PCGF5: variants seen among roughly 807,000 people sequenced by gnomAD.
PCGF5 encodes polycomb group RING finger protein 5.
Under a neutral mutation model 44.3 loss-of-function variants are expected in PCGF5, and 9 were observed. That is an observed-to-expected ratio of 0.20 (90% confidence interval 0.12 to 0.35). The LOEUF is 0.35. PCGF5 is among the 10% of genes least tolerant of loss of function. The pLI is 1.00. For synonymous variants in PCGF5, 95 were observed against 102.5 expected (o/e 0.93, Z 0.44); for missense variants, 146 against 305.3 (o/e 0.48, Z 3.89).
chr10:91,270,435 G>A (rs970476713), intron 8 of PCGF5, among the ~76,000 whole-genome samples: 13 of 151,638 alleles, frequency 8.6e-5, no homozygotes, highest in Non-Finnish European at 1.6e-4. Flanking sequence ...TACTCTTGTT[G>A]ACCCTGTTTA....
At chr10:91,241,892 A>G (rs904793729) in intron 3 of PCGF5, among the ~76,000 whole-genome samples, 6 of 152,178 alleles carry the variant, frequency 3.9e-5, no homozygotes, top group Non-Finnish European at 8.8e-5. Flanking sequence ...TTCCCAAACC[A>G]TTAGTATCAT....
chr10:91,168,661 G>C (rs758709032), intron 1 of PCGF5, among the ~76,000 whole-genome samples: 8 of 152,098 alleles, frequency 5.3e-5, no homozygotes, highest in Non-Finnish European at 1.0e-4. Flanking sequence ...GGGCATGGTG[G>C]CTCACACCTG....
chr10:91,169,892 CA>C (rs1843572848), intron 1 of PCGF5, among the ~76,000 whole-genome samples: 1 of 152,104 alleles, frequency 6.6e-6, no homozygotes, highest in Non-Finnish European at 1.5e-5. Context: ...CTATAGTAAT[CA>C]AGACAGTGGT....
chr10:91,167,290 G>T (rs1192766869), intron 1 of PCGF5, among the ~76,000 whole-genome samples: 1 of 152,154 alleles, frequency 6.6e-6, no homozygotes, highest in Non-Finnish European at 1.5e-5. Flanking sequence ...TGGTTAATTA[G>T]ACATAGATAC....
At chr10:91,248,622 A>C (rs771594188) in intron 4 of PCGF5, 43 bp from the exon 5 acceptor site, 2 of 1,597,528 alleles carry the variant, frequency 1.3e-6, no homozygotes, top group Non-Finnish European at 1.7e-6. Context: ...CTTCTATTAA[A>C]GATTTCATGA....
At chr10:91,211,327 G>T (rs1341132406) in intron 1 of PCGF5, among the ~76,000 whole-genome samples, 4 of 152,208 alleles carry the variant, frequency 2.6e-5, no homozygotes, top group Non-Finnish European at 4.4e-5. Flanking sequence ...GTTAGGTGGT[G>T]CCTTTAATGT....
In PCGF5 at chr10:91,279,749, A is replaced by G. The variant is rs1846405358; in HGVS notation, c.*1433A>G. 1 of 152,118 alleles carries G rather than the reference A, an allele frequency of 6.6e-6. No individual in the cohort carries two copies. Among genetic ancestry groups the G allele is most frequent in the Admixed American group, 6.5e-5 (1 of 15,272 alleles). 9.4% of individuals were successfully genotyped at this position (152,118 alleles called of 1,614,324 possible). On this transcript the variant is annotated 3_prime_UTR_variant, in exon 10 of 10. Transcript: ENST00000336126. ...ATATTTGAGAAATATGACGAGCACA[A>G]TCTGTGTGTTACACACATTTAGTTT... is the stretch of plus-strand genomic sequence containing the variant.
intron 1 of PCGF5, 108 bp downstream of exon 1, chr10:91,220,944 C>G (rs1308190187): frequency 6.6e-6 from 1 of 152,296 alleles, no homozygotes; most frequent in South Asian, 2.1e-4. Flanking sequence ...CCGGCCCAGC[C>G]TGGAGCCGGG....
intron 2 of PCGF5, among the ~76,000 whole-genome samples, chr10:91,232,151 G>T (rs1281511294): frequency 1.3e-5 from 2 of 152,170 alleles, no homozygotes; most frequent in East Asian, 3.9e-4. Context: ...TGTTGAGGAG[G>T]TGGGATCAAC....
intron 6 of PCGF5, among the ~76,000 whole-genome samples, chr10:91,260,152 G>C (rs916281367): frequency 8.0e-6 from 1 of 124,772 alleles, no homozygotes; most frequent in Admixed American, 7.2e-5. Flanking sequence ...TGGGCAAAGG[G>C]TATGAACAGA....
intron 6 of PCGF5, among the ~76,000 whole-genome samples, chr10:91,260,059 C>G (rs1378406465): frequency 7.1e-6 from 1 of 140,096 alleles, no homozygotes; most frequent in Non-Finnish European, 1.5e-5. Flanking sequence ...TTTTTGCAAC[C>G]TACTCATCTG....
chr10:91,181,621 G>A (rs1245049905), intron 1 of PCGF5, among the ~76,000 whole-genome samples: 9 of 152,106 alleles, frequency 5.9e-5, no homozygotes, highest in Non-Finnish European at 5.9e-5. Flanking sequence ...GTTAATTGTG[G>A]TTTTTGTCTT....
chr10:91,184,266 C>CT (rs1487035892), intron 1 of PCGF5, among the ~76,000 whole-genome samples: 2 of 152,112 alleles, frequency 1.3e-5, no homozygotes, highest in East Asian at 3.8e-4. Flanking sequence ...TCTTTTCATT[C>CT]TTTTTTTCTC....
intron 1 of PCGF5, among the ~76,000 whole-genome samples, chr10:91,177,364 T>A (rs149802136): frequency 0.035 from 5,266 of 152,262 alleles, 327 homozygotes; most frequent in African/African-American, 0.12. Flanking sequence ...GGGACCCACT[T>A]GAGGAGGCAG....
upstream of PCGF5, among the ~76,000 whole-genome samples, chr10:91,161,322 C>A (rs1564621138): frequency 6.6e-6 from 1 of 151,780 alleles, no homozygotes; most frequent in Non-Finnish European, 1.5e-5. Flanking sequence ...AGAATACTTT[C>A]GCTGGATTCA....
In PCGF5 at chr10:91,221,512, C is replaced by T. The variant is rs190435952; in HGVS notation, c.-184+676C>T. 2.4e-4 allele frequency among the ~76,000 whole-genome samples: 37 copies of T among 152,290 alleles called. No individual in the cohort carries two copies. In the East Asian group the frequency reaches 6.9e-3, roughly 29 times the overall value. On this transcript the variant is annotated intron_variant, in intron 1 of 9. Coordinates refer to ENST00000336126, the MANE Select transcript of PCGF5 (RefSeq NM_032373.5). Reference sequence around the variant, plus strand: ...TCTGTTACACGCACGAATACGGTTTCCCAAGAGGATAGGATGATTACACGT... The same window carrying T: ...TCTGTTACACGCACGAATACGGTTTTCCAAGAGGATAGGATGATTACACGT...
upstream of PCGF5, among the ~76,000 whole-genome samples, chr10:91,219,386 C>T (rs1417843090): frequency 6.6e-6 from 1 of 152,138 alleles, no homozygotes; most frequent in Non-Finnish European, 1.5e-5. Flanking sequence ...AGGAACATAC[C>T]AAGTCTTTTT....
chr10:91,218,296 C>G (rs1246345840), upstream of PCGF5, among the ~76,000 whole-genome samples: 1 of 152,180 alleles, frequency 6.6e-6, no homozygotes, highest in Non-Finnish European at 1.5e-5. Context: ...AAGGGGACTC[C>G]CAGCTATGAT....
Position 91,281,347 on chromosome 10 carries a change from A to T in PCGF5, c.*3031A>T, listed in dbSNP as rs1846448749. 6.6e-6 allele frequency: 1 copy of T among 152,576 alleles called. No individual in the cohort carries two copies. Among genetic ancestry groups the T allele is most frequent in the Non-Finnish European group, 1.5e-5 (1 of 67,958 alleles). 9.5% of individuals were successfully genotyped at this position (152,576 alleles called of 1,614,324 possible). On this transcript the variant is annotated 3_prime_UTR_variant, in exon 10 of 10. Coordinates refer to ENST00000336126, the MANE Select transcript of PCGF5 (RefSeq NM_032373.5). The stretch of plus-strand genomic sequence containing the variant: ...TAATGACTTTGCTCAACTACATTAC[A>T]CACTCAAATGTAATCTAAATTTAAA...
Sources: allele counts gnomAD v4.1 joint callset (sites outside exome capture counted in the v4.1 genomes callset), GRCh38; gene constraint gnomAD v4.1.1; transcripts MANE v1.5; gene names NCBI Gene and HGNC (gene_info 2026-07-23, HGNC 2026-07-21).